ARHGEF3: variants seen among roughly 807,000 people sequenced by gnomAD.
ARHGEF3 encodes the protein 59.8 kDA protein.
Under a neutral mutation model 63.2 loss-of-function variants are expected in ARHGEF3, and 28 were observed. That is an observed-to-expected ratio of 0.44 (90% CI 0.33 to 0.61). The LOEUF (loss-of-function observed/expected upper bound fraction) is 0.61, where lower values mean the gene tolerates loss of function less well. ARHGEF3 is among the 20% of genes least tolerant of loss of function. The pLI, the probability that ARHGEF3 is intolerant of heterozygous loss-of-function variation, is 0.03. For missense variants in ARHGEF3, 533 were observed against 659.3 expected, an observed-to-expected ratio of 0.81 and a Z score of 2.10; for synonymous variants, 266 against 254.2, an observed-to-expected ratio of 1.05 and a Z score of -0.44.
chr3:56,858,073 T>G (rs1308885572), intron 4 of ARHGEF3, among the ~76,000 whole-genome samples: 1 of 151,832 alleles, frequency 6.6e-6, no homozygotes, highest in Non-Finnish European at 1.5e-5. Context: ...TGGAACCCCA[T>G]CTCTATAAAA....
At chr3:56,953,656 G>A (rs891743972) in intron 3 of ARHGEF3, among the ~76,000 whole-genome samples, 46 of 152,260 alleles carry the variant, frequency 3.0e-4, no homozygotes, top group Non-Finnish European at 6.0e-4. Flanking sequence ...TGACCATAGC[G>A]ATTGGCCGAG....
At chr3:57,035,986 T>C (rs1047950188) in intron 1 of ARHGEF3, among the ~76,000 whole-genome samples, 5 of 152,352 alleles carry the variant, frequency 3.3e-5, no homozygotes, top group African/African-American at 1.2e-4. Context: ...TCATCCCAGC[T>C]GGGAATATGA....
At chr3:56,948,943 C>G (rs1699660274) in intron 3 of ARHGEF3, among the ~76,000 whole-genome samples, 1 of 152,068 alleles carries the variant, frequency 6.6e-6, no homozygotes. Context: ...ATCAAGTGGG[C>G]TTCATCCCTG....
chr3:56,730,167 T>G (rs1423491997), intron 9 of ARHGEF3, among the ~76,000 whole-genome samples: 1 of 152,170 alleles, frequency 6.6e-6, no homozygotes. Flanking sequence ...TACACCAAGC[T>G]GGAGCTTTTT....
intron 4 of ARHGEF3, among the ~76,000 whole-genome samples, chr3:56,855,576 G>A (rs1253655696): frequency 2.0e-5 from 3 of 151,798 alleles, no homozygotes; most frequent in African/African-American, 4.8e-5. Flanking sequence ...CCAGCTATTC[G>A]GGAGGCTGAG....
intron 1 of ARHGEF3, among the ~76,000 whole-genome samples, chr3:57,061,421 C>T (rs1315147618): frequency 6.6e-6 from 1 of 152,160 alleles, no homozygotes; most frequent in South Asian, 2.1e-4. Context: ...TCTTGGCCTC[C>T]CAAAGTGCCA....
Position 56,923,807 on chromosome 3 carries a change from C to G in ARHGEF3, c.129+35016G>C, listed in dbSNP as rs142867516. 9.1e-4 allele frequency among the ~76,000 whole-genome samples: 138 copies of G among 152,212 alleles called. 1 individual carries two copies. The highest frequency in any genetic ancestry group is 3.0e-3 in the African/African-American group (126 of 41,538). On this transcript the variant is annotated intron_variant, in intron 3 of 12. Coordinates refer to the ARHGEF3 transcript ENST00000338458. ...ATGTGTACATGAAGAATTGGTATTG[C>G]CACTTTTTCTCCCTTAATTCAGAAT... is the stretch of plus-strand genomic sequence containing the variant.
intron 1 of ARHGEF3, among the ~76,000 whole-genome samples, chr3:56,795,053 T>C (rs1005533426): frequency 1.3e-5 from 2 of 149,898 alleles, no homozygotes; most frequent in African/African-American, 4.9e-5. Flanking sequence ...TTTTTAGAGA[T>C]GGGGTCTCGC....
intron 2 of ARHGEF3, among the ~76,000 whole-genome samples, chr3:56,990,322 G>A (rs1007529444): frequency 2.6e-5 from 4 of 152,248 alleles, no homozygotes; most frequent in African/African-American, 7.2e-5. Context: ...CATGGCTCAC[G>A]CCTGTAATCC....
chr3:56,833,917 T>TCCCC (rs144162271), intron 4 of ARHGEF3, among the ~76,000 whole-genome samples: 5 of 147,940 alleles, frequency 3.4e-5, no homozygotes, highest in African/African-American at 1.3e-4. Flanking sequence ...ATTCTTTGTT[T>TCCCC]TCCCCCCCCA....
chr3:56,765,711 C>A (rs190742730), intron 2 of ARHGEF3, among the ~76,000 whole-genome samples: 1 of 152,266 alleles, frequency 6.6e-6, no homozygotes, highest in East Asian at 1.9e-4. Context: ...TCCCTCCACC[C>A]TTGCTAAGCA....
At chr3:57,008,167 G>C (rs896951171) in intron 2 of ARHGEF3, among the ~76,000 whole-genome samples, 1 of 152,192 alleles carries the variant, frequency 6.6e-6, no homozygotes, top group Admixed American at 6.5e-5. Flanking sequence ...TCCTAGAACA[G>C]ATCAAACTTC....
At chr3:56,921,458 G>C (rs2042140555) in intron 3 of ARHGEF3, among the ~76,000 whole-genome samples, 1 of 132,814 alleles carries the variant, frequency 7.5e-6, no homozygotes, top group South Asian at 2.2e-4. Flanking sequence ...TAGGTTATCA[G>C]GGAGGCATAA....
intron 4 of ARHGEF3, among the ~76,000 whole-genome samples, chr3:56,831,906 G>C (rs530046502): frequency 5.1e-4 from 78 of 152,332 alleles, no homozygotes; most frequent in African/African-American, 1.8e-3. Flanking sequence ...CTAACAACAG[G>C]CAAGAGGATT....
chr3:56,983,472 G>A (rs1701408674), intron 2 of ARHGEF3, among the ~76,000 whole-genome samples: 1 of 152,184 alleles, frequency 6.6e-6, no homozygotes, highest in South Asian at 2.1e-4. Context: ...TTCAGACTCT[G>A]CTGCAGACAT....
In ARHGEF3 at chr3:56,946,261, GA is replaced by G. The variant is rs546962874; in HGVS notation, c.129+12561del. ...GGAATACAGCTCCTCACCAGCAATG[GA>G]ACAAAGCTGGATGGAGAATGACTTT... On this transcript the variant is annotated intron_variant, in intron 3 of 12. Coordinates refer to the ARHGEF3 transcript ENST00000338458. 1.1e-4 allele frequency among the ~76,000 whole-genome samples: 16 copies of G among 152,318 alleles called. No individual in the cohort carries two copies. The South Asian group carries it at 3.3e-3, about 32-fold the overall frequency.
At chr3:56,730,208 A>G (rs2033035854) in intron 9 of ARHGEF3, among the ~76,000 whole-genome samples, 1 of 152,138 alleles carries the variant, frequency 6.6e-6, no homozygotes, top group East Asian at 1.9e-4. Flanking sequence ...TAACATTAAA[A>G]CATGCCCATG....
intron 1 of ARHGEF3, among the ~76,000 whole-genome samples, chr3:57,053,167 AG>A (rs1490325586): frequency 1.3e-5 from 2 of 152,192 alleles, no homozygotes; most frequent in Admixed American, 6.5e-5. Flanking sequence ...TTCCTTAAAC[AG>A]CACCAGAATT....
chr3:56,835,242 C>A lies in ARHGEF3; in HGVS notation c.192+47050G>T, dbSNP rs555828249. Among the ~76,000 whole-genome samples the A allele has an allele frequency of 1.8e-4, 27 of 151,402 alleles. No homozygotes were observed. The South Asian group carries it at 5.4e-3, about 31-fold the overall frequency. On this transcript the variant is annotated intron_variant, in intron 4 of 12. Coordinates refer to the ARHGEF3 transcript ENST00000338458. ...CCAGGCTGGAGTGCAATGGTGTGAT[C>A]TCGGCTCACTGCAACCTCTGTCTCC...
Sources: allele counts gnomAD v4.1 joint callset (sites outside exome capture counted in the v4.1 genomes callset), GRCh38; gene constraint gnomAD v4.1.1; transcripts MANE v1.5; gene names NCBI Gene and HGNC (gene_info 2026-07-23, HGNC 2026-07-21).